Variants in ANTXR1 observed in about 807,000 individuals in gnomAD.
ANTXR1 encodes ANTXR cell adhesion molecule 1, also known as anthrax toxin receptor 1.
In ANTXR1, 19 loss-of-function variants were observed where a neutral mutation model predicts 78.1. The ratio of observed to expected loss-of-function variants is 0.24; its 90% CI spans 0.17 to 0.36. ANTXR1 has a LOEUF of 0.36. ANTXR1 is among the 10% of genes least tolerant of loss of function. The probability of loss-of-function intolerance (pLI) is 1.00; values close to 1 mark genes in which losing one functional copy is unlikely to be tolerated. For synonymous variants in ANTXR1, 273 were observed against 260.5 expected (o/e 1.05, Z -0.46); for missense variants, 518 against 718.6 (o/e 0.72, Z 3.19).
At chr2:69,124,742 T>C in intron 12 of ANTXR1, 99 bp downstream of exon 12, 1 of 1,338,858 alleles carries the variant, frequency 7.5e-7, no homozygotes. Flanking sequence ...CTGGAAAGTT[T>C]TTTGGTTCTT....
intron 2 of ANTXR1, among the ~76,000 whole-genome samples, chr2:69,042,152 C>T (rs1414720695): frequency 6.6e-6 from 1 of 152,186 alleles, no homozygotes; most frequent in East Asian, 1.9e-4. Context: ...AGTACAAGTA[C>T]ATCATTTCTA....
chr2:69,075,371 C>G (rs749547421), intron 6 of ANTXR1, among the ~76,000 whole-genome samples: 5 of 152,238 alleles, frequency 3.3e-5, no homozygotes, highest in African/African-American at 4.8e-5. Context: ...CAAGACTCTA[C>G]TTCAGTGTGT....
chr2:69,099,568 T>G (rs1671544324), intron 9 of ANTXR1, among the ~76,000 whole-genome samples: 1 of 152,238 alleles, frequency 6.6e-6, no homozygotes, highest in Admixed American at 6.5e-5. Flanking sequence ...ACCAGAAATG[T>G]ATGTGGGTTA....
intron 17 of ANTXR1, among the ~76,000 whole-genome samples, chr2:69,242,269 C>T (rs962612410): frequency 6.6e-6 from 1 of 152,198 alleles, no homozygotes; most frequent in Non-Finnish European, 1.5e-5. Context: ...TTCCTCCCCA[C>T]CTCACTCCCC....
chr2:69,123,327 T>C lies in ANTXR1; in HGVS notation c.872+241T>C, dbSNP rs567143262. On this transcript the variant is annotated intron_variant, in intron 11 of 17. Coordinates refer to ENST00000303714, the MANE Select transcript of ANTXR1 (RefSeq NM_032208.3). ...TCCCACTATCCCAGTTTTACAGACA[T>C]AGAGACTGTGGCTGCAAGACTTTAA... is the stretch of plus-strand genomic sequence containing the variant. 1.6e-4 allele frequency among the ~76,000 whole-genome samples: 25 copies of C among 152,262 alleles called. No homozygotes were observed. The East Asian group carries it at 1.7e-3, about 11-fold the overall frequency.
intron 1 of ANTXR1, among the ~76,000 whole-genome samples, chr2:69,033,578 G>A (rs1367814036): frequency 6.6e-6 from 1 of 152,236 alleles, no homozygotes; most frequent in Non-Finnish European, 1.5e-5. Flanking sequence ...GCAGAATCAA[G>A]TGTGAGTCCC....
intron 12 of ANTXR1, among the ~76,000 whole-genome samples, chr2:69,139,879 C>G (rs1673023657): frequency 6.6e-6 from 1 of 152,178 alleles, no homozygotes; most frequent in Admixed American, 6.5e-5. Flanking sequence ...AAATGAGACA[C>G]CAGCCTTTCT....
intron 1 of ANTXR1, among the ~76,000 whole-genome samples, chr2:69,021,510 C>A (rs1329916189): frequency 2.0e-5 from 3 of 152,168 alleles, no homozygotes; most frequent in Admixed American, 2.0e-4. Context: ...GGTGGAGATT[C>A]CTTCCTGATA....
At chr2:69,092,317 TG>T (rs1671267955) in intron 9 of ANTXR1, among the ~76,000 whole-genome samples, 1 of 152,208 alleles carries the variant, frequency 6.6e-6, no homozygotes, top group African/African-American at 2.4e-5. Flanking sequence ...TTAGAACAAC[TG>T]AAAGACTTTC....
intron 9 of ANTXR1, among the ~76,000 whole-genome samples, chr2:69,095,244 C>T (rs1022115797): frequency 1.3e-5 from 2 of 149,706 alleles, no homozygotes; most frequent in African/African-American, 2.5e-5. Context: ...TCCTGTTTTC[C>T]TTTCTTCCTC....
chr2:69,211,609 G>A (rs1297276198), intron 17 of ANTXR1, among the ~76,000 whole-genome samples: 1 of 152,230 alleles, frequency 6.6e-6, no homozygotes, highest in East Asian at 1.9e-4. Context: ...TTCTCTGCAG[G>A]ACTTCAAAGA....
chr2:69,023,486 ATGGTGATATGGTGG>A (rs1671256359), intron 1 of ANTXR1, among the ~76,000 whole-genome samples: 1 of 147,528 alleles, frequency 6.8e-6, no homozygotes, highest in Admixed American at 6.8e-5. Flanking sequence ...GATGATGGTG[ATGGTGATATGGTGG>A]TGGTGGTGGA....
At chr2:69,075,745 A>T (rs1280630785) in intron 7 of ANTXR1, 87 bp downstream of exon 7, 2 of 1,157,420 alleles carry the variant, frequency 1.7e-6, no homozygotes. Context: ...GGGAAGATCA[A>T]TGGAATAAAT....
In ANTXR1 at chr2:69,118,397, C is replaced by T. The variant is rs571225995; in HGVS notation, c.803-4620C>T. 5.3e-5 allele frequency among the ~76,000 whole-genome samples: 8 copies of T among 152,158 alleles called. No individual in the cohort carries two copies. In the South Asian group the frequency reaches 6.2e-4, roughly 12 times the overall value. ...AGTGAGCCGTGATTGCACCACTGCA[C>T]GGCAGCCTGGGCAGCAGAGGGAGAC... On this transcript the variant is annotated intron_variant, in intron 10 of 17. Coordinates refer to ENST00000303714, the MANE Select transcript of ANTXR1 (RefSeq NM_032208.3).
Position 69,172,392 on chromosome 2 carries a change from A to G in ANTXR1, c.1089+2103A>G, listed in dbSNP as rs191699033. The G allele has an allele frequency of 1.1e-4, 180 of 1,610,790 alleles. 3 individuals carry two copies. The Admixed American group carries it at 2.9e-3, about 26-fold the overall frequency. On this transcript the variant is annotated intron_variant, in intron 14 of 17. Coordinates refer to ENST00000303714, the MANE Select transcript of ANTXR1 (RefSeq NM_032208.3). The stretch of plus-strand genomic sequence containing the variant: ...GAAAATAAAATAAAATAACAAGAAG[A>G]AGAAAGAAAGAAATCCCACAGAAAC...
chr2:69,062,450 GC>G (rs1364602991), intron 3 of ANTXR1, among the ~76,000 whole-genome samples: 3 of 152,236 alleles, frequency 2.0e-5, no homozygotes, highest in African/African-American at 4.8e-5. Context: ...GATCACAAAG[GC>G]AGGGCAGGGC....
intron 5 of ANTXR1, among the ~76,000 whole-genome samples, chr2:69,072,177 C>T (rs1345590886): frequency 6.6e-6 from 1 of 152,156 alleles, no homozygotes; most frequent in East Asian, 1.9e-4. Flanking sequence ...TGTGACTGAA[C>T]ATAACATTAA....
At chr2:69,183,414 A>G (rs1452753222) in intron 16 of ANTXR1, among the ~76,000 whole-genome samples, 1 of 151,004 alleles carries the variant, frequency 6.6e-6, no homozygotes, top group Non-Finnish European at 1.5e-5. Flanking sequence ...CTATTTATTT[A>G]TTTTTTGAGA....
At chr2:69,066,841 G>C (rs972155078) in intron 3 of ANTXR1, among the ~76,000 whole-genome samples, 2 of 152,164 alleles carry the variant, frequency 1.3e-5, no homozygotes, top group Non-Finnish European at 2.9e-5. Context: ...TAGGAACACT[G>C]GCAGACATGT....
Sources: gnomAD v4.1 joint callset for allele counts (sites outside exome capture counted in the v4.1 genomes callset) on GRCh38, gnomAD v4.1.1 for gene constraint, MANE v1.5 for transcripts, NCBI Gene and HGNC (gene_info 2026-07-23, HGNC 2026-07-21) for gene names.